USP42: variants seen among roughly 807,000 people sequenced by gnomAD.
USP42 encodes the protein ubiquitin specific peptidase 42.
In USP42, 23 loss-of-function variants were observed where a neutral mutation model predicts 113.0. The ratio of observed to expected loss-of-function variants is 0.20; its 90% confidence interval spans 0.15 to 0.29. The LOEUF is 0.29. USP42 is among the 10% of genes least tolerant of loss of function. The probability of loss-of-function intolerance (pLI) is 1.00; values close to 1 mark genes in which losing one functional copy is unlikely to be tolerated. For synonymous variants in USP42, 933 were observed against 699.0 expected (o/e 1.33, Z -5.28); for missense variants, 2,174 against 1,779.8 (o/e 1.22, Z -3.99).
intron 3 of USP42, among the ~76,000 whole-genome samples, chr7:6,122,227 C>G (rs1032189700): frequency 6.6e-6 from 1 of 150,782 alleles, no homozygotes; most frequent in Non-Finnish European, 1.5e-5. Flanking sequence ...ATAAATTTCC[C>G]TATGAGTGGT....
chr7:6,139,288 G>C lies in USP42; in HGVS notation c.656+94G>C. 1 of 1,019,274 alleles carries C rather than the reference G, an allele frequency of 9.8e-7. No homozygotes were observed. The highest frequency in any genetic ancestry group is 1.4e-6 in the Non-Finnish European group (1 of 707,586). The allele number at this position is 1,019,274 out of a possible 1,614,324, so 63.1% of individuals were successfully genotyped here. On this transcript the variant is annotated intron_variant, in intron 5 of 17. Coordinates refer to ENST00000306177, the MANE Select transcript of USP42 (RefSeq NM_032172.3). This position sits in a 1 kb window ranked among gnomAD's most constrained non-coding sequence, Gnocchi z 4.5. ...TTCATTTTCACCTTTTTTGTTGGAA[G>C]CACACAGAACAGTGTTCACTTTACC... is the stretch of plus-strand genomic sequence containing the variant.
At chr7:6,124,107 C>T (rs1305371219) in intron 3 of USP42, among the ~76,000 whole-genome samples, 1 of 151,942 alleles carries the variant, frequency 6.6e-6, no homozygotes, top group Non-Finnish European at 1.5e-5. Context: ...AAATCTTAAC[C>T]TCAGGTCATC....
At chr7:6,086,496 C>T in the USP42 span, among the ~76,000 whole-genome samples, 10 of 151,064 alleles carry the variant, frequency 6.6e-5, no homozygotes, top group South Asian at 2.1e-4. Context: ...TGAGCCACCG[C>T]GCCCAGCCTA....
At position 6,153,861 on chromosome 7, in the gene USP42, C is replaced by G. The variant is rs1291366964; in HGVS notation, c.2307C>G (p.Leu769=). 1.3e-6 allele frequency: 2 copies of G among 1,555,240 alleles called. No individual in the cohort carries two copies. The highest frequency in any genetic ancestry group is 1.9e-5 in the Admixed American group (1 of 51,518). ...AGGAGCCAGATGCGGCCGCCGGCCT[C>G]AGCAGCACCAAGAAGGCTCCGCCGC... ...SLEEPDAAAG[L]SSTKKAPPPR... Residue 769 remains leucine (L), a synonymous_variant, in exon 15 of 18, where the codon CTC becomes CTG. Transcript: ENST00000306177.
intron 3 of USP42, among the ~76,000 whole-genome samples, chr7:6,126,301 T>TC (rs975179455): frequency 3.9e-5 from 6 of 152,088 alleles, no homozygotes; most frequent in African/African-American, 1.4e-4. Context: ...TTTTTTTTTT[T>TC]TGAGAGGAAG....
the USP42 span, among the ~76,000 whole-genome samples, chr7:6,083,226 ATT>A: frequency 4.3e-4 from 2 of 4,652 alleles, no homozygotes; most frequent in South Asian, 7.9e-3. Flanking sequence ...CACCCAGCTT[ATT>A]TATTTATTTA....
Position 6,154,729 on chromosome 7 carries a change from T to G in USP42, c.3175T>G (p.Cys1059Gly), listed in dbSNP as rs748899664. 1 of 1,585,656 alleles carries G rather than the reference T, an allele frequency of 6.3e-7. No individual in the cohort carries two copies. Among genetic ancestry groups the G allele is most frequent in the East Asian group, 2.3e-5 (1 of 43,296 alleles). Residue 1059 changes from cysteine (C) to glycine (G), a missense_variant, in exon 15 of 18, where the codon TGC becomes GGC. Cys to Gly is a radical substitution (Grantham distance 159, BLOSUM62 -3). Coordinates refer to ENST00000306177, the MANE Select transcript of USP42 (RefSeq NM_032172.3). Reference sequence around the variant, plus strand: ...CCCCGACAGGCCGCGCTGGGACAGGTGCCGGTACTACCATGACAGGTACGC... The same window carrying G: ...CCCCGACAGGCCGCGCTGGGACAGGGGCCGGTACTACCATGACAGGTACGC... ...FYPDRPRWDRCRYYHDRYALY... is the reference protein window; with the variant it reads ...FYPDRPRWDRGRYYHDRYALY...
At chr7:6,089,246 G>A in the USP42 span, among the ~76,000 whole-genome samples, 2 of 147,534 alleles carry the variant, frequency 1.4e-5, no homozygotes, top group Non-Finnish European at 3.0e-5. Context: ...TAGAGACAGG[G>A]TTTCACCATG....
chr7:6,104,639 C>T (rs1228453478), upstream of USP42, among the ~76,000 whole-genome samples: 1 of 152,172 alleles, frequency 6.6e-6, no homozygotes, highest in Non-Finnish European at 1.5e-5. Context: ...CAGGGAAGCA[C>T]AGGGCGGAAG....
chr7:6,126,580 G>A (rs921580244), intron 3 of USP42, among the ~76,000 whole-genome samples: 8 of 152,304 alleles, frequency 5.3e-5, no homozygotes, highest in Non-Finnish European at 7.3e-5. Context: ...CCACTGTGCC[G>A]GCCTGATAAC....
At chr7:6,090,336 TTATATATATATTTA>T in the USP42 span, among the ~76,000 whole-genome samples, 17 of 121,170 alleles carry the variant, frequency 1.4e-4, 1 homozygote, top group African/African-American at 6.4e-4. Flanking sequence ...ATATATTTCT[TTATATATATATTTA>T]TATATATATT....
At chr7:6,091,200 C>T in the USP42 span, among the ~76,000 whole-genome samples, 1 of 150,874 alleles carries the variant, frequency 6.6e-6, no homozygotes, top group Non-Finnish European at 1.5e-5. Context: ...ACTAACTTTA[C>T]ACACTTTTCT....
At chr7:6,131,662 G>C (rs528154493) in intron 3 of USP42, among the ~76,000 whole-genome samples, 1 of 152,256 alleles carries the variant, frequency 6.6e-6, no homozygotes, top group Non-Finnish European at 1.5e-5. Context: ...GGGCTTCCAG[G>C]TTGCTGACTT....
At chr7:6,084,803 C>G in the USP42 span, 2 of 150,488 alleles carry the variant, frequency 1.3e-5, no homozygotes, top group Non-Finnish European at 2.9e-5. Flanking sequence ...ACTGCAACCT[C>G]CACCTCCCGG....
rs148763107 is a variant in USP42, at chr7:6,156,650, C to T, written c.3642-104C>T. ...ATTAGATAAGAATTGTGCGTGTCTG[C>T]ACAGTGAATGTTCTCGGTGAATGGG... On this transcript the variant is annotated intron_variant, in intron 15 of 17. Transcript: ENST00000306177. The T allele has an allele frequency of 5.2e-4, 748 of 1,436,550 alleles. 1 individual carries two copies. The highest frequency in any genetic ancestry group is 6.3e-4 in the Non-Finnish European group (695 of 1,096,800). The allele number at this position is 1,436,550 out of a possible 1,614,324, so 89.0% of individuals were successfully genotyped here. A position where few individuals can be genotyped will look rare whatever the true frequency, so the allele number is the denominator to read the frequency against.
At chr7:6,124,269 C>G (rs1348011247) in intron 3 of USP42, among the ~76,000 whole-genome samples, 2 of 151,810 alleles carry the variant, frequency 1.3e-5, no homozygotes, top group Non-Finnish European at 2.9e-5. Flanking sequence ...AAAGTAGATT[C>G]CCTTTTTTCT....
intron 11 of USP42, among the ~76,000 whole-genome samples, chr7:6,146,921 C>T (rs1164024900): frequency 2.0e-5 from 3 of 152,228 alleles, no homozygotes; most frequent in South Asian, 2.1e-4. Context: ...GCCAGCACCT[C>T]CCAACCTGGA....
chr7:6,154,488 C>T lies in USP42; in HGVS notation c.2934C>T (p.His978=). ...ESRSKTEGHR[H]RRRRTCPRER... Reference sequence around the variant, plus strand: ...GGAGCAAGACTGAGGGCCACCGTCACCGGCGGCGCCGCACCTGCCCCCGGG... The same window carrying T: ...GGAGCAAGACTGAGGGCCACCGTCATCGGCGGCGCCGCACCTGCCCCCGGG... Residue 978 remains histidine, a synonymous_variant, in exon 15 of 18, where the codon CAC becomes CAT. Transcript: ENST00000306177. 6.5e-7 allele frequency: 1 copy of T among 1,546,974 alleles called. No individual in the cohort carries two copies. Among genetic ancestry groups the T allele is most frequent in the Non-Finnish European group, 8.7e-7 (1 of 1,145,988 alleles).
chr7:6,112,426 G>C (rs1779647060), intron 2 of USP42, among the ~76,000 whole-genome samples: 1 of 151,836 alleles, frequency 6.6e-6, no homozygotes, highest in Non-Finnish European at 1.5e-5. Context: ...TTTCAGCCTG[G>C]GCAACAGAGT....
Sources: gnomAD v4.1 joint callset for allele counts (sites outside exome capture counted in the v4.1 genomes callset) on GRCh38, gnomAD v4.1.1 for gene constraint, Gnocchi (gnomAD v3.1) non-coding constraint, MANE v1.5 for transcripts, NCBI Gene and HGNC (gene_info 2026-07-23, HGNC 2026-07-21) for gene names.